The following RTTN variants were observed in gnomAD, a reference collection of about 807,000 sequenced individuals.
The protein encoded by RTTN is rotatin.
Under a neutral mutation model 269.2 loss-of-function variants are expected in RTTN, and 182 were observed. That is an observed-to-expected ratio of 0.68 (90% CI 0.60 to 0.76). The LOEUF is 0.76. RTTN is among the 30% of genes least tolerant of loss of function. RTTN has a pLI of 0.00. For synonymous variants in RTTN, 1,006 were observed against 963.5 expected, an observed-to-expected ratio of 1.04 and a Z score of -0.82; for missense variants, 2,545 against 2,608.6, an observed-to-expected ratio of 0.98 and a Z score of 0.53.
intron 10 of RTTN, among the ~76,000 whole-genome samples, chr18:70,187,006 A>G (rs1315997284): frequency 6.6e-6 from 1 of 152,208 alleles, no homozygotes. Flanking sequence ...GTACCGCTGA[A>G]GCTAAATAAA....
intron 14 of RTTN, among the ~76,000 whole-genome samples, chr18:70,154,474 A>G (rs2060621988): frequency 6.6e-6 from 1 of 152,148 alleles, no homozygotes; most frequent in Non-Finnish European, 1.5e-5. Context: ...TATAATAACT[A>G]TCCCAAATAC....
chr18:70,080,973 C>T (rs1318556719), intron 32 of RTTN, among the ~76,000 whole-genome samples: 1 of 145,844 alleles, frequency 6.9e-6, no homozygotes, highest in Non-Finnish European at 1.5e-5. Flanking sequence ...CACACACACA[C>T]TATGGAATAC....
intron 28 of RTTN, among the ~76,000 whole-genome samples, chr18:70,093,287 C>T (rs2058902871): frequency 6.6e-6 from 1 of 150,516 alleles, no homozygotes; most frequent in African/African-American, 2.4e-5. Context: ...TGTGTGGTGC[C>T]CTCCTAGTAC....
intron 46 of RTTN, chr18:70,008,932 G>A (rs1317958857): frequency 6.6e-6 from 1 of 152,060 alleles, no homozygotes; most frequent in African/African-American, 2.4e-5. Context: ...GATACTCCTC[G>A]AGAAGAGCAA....
At chr18:70,093,656 T>A (rs1289613900) in intron 28 of RTTN, among the ~76,000 whole-genome samples, 1 of 152,216 alleles carries the variant, frequency 6.6e-6, no homozygotes, top group Admixed American at 6.5e-5. Context: ...TGAAGCCAAC[T>A]TGATCATGGT....
rs17082031 is a variant in RTTN, at chr18:70,058,062, C to T, written c.4941-230G>A. On this transcript the variant is annotated intron_variant, in intron 36 of 48. Transcript: ENST00000640769. ...TCAGAGAAAAGTGAGAAGCAAAGAG[C>T]TGTGAAGAAAATATCTAAGGAAACC... Among the ~76,000 whole-genome samples, 20,406 of 152,060 alleles carry T rather than the reference C, an allele frequency of 0.13. 3,572 individuals carry two copies. Among genetic ancestry groups the T allele is most frequent in the African/African-American group, 0.41 (16,882 of 41,420 alleles).
At chr18:70,012,083 GGGCAGCATCTGCTCACTGGTATTGGTTAC>G (rs2056395443) in intron 46 of RTTN, among the ~76,000 whole-genome samples, 1 of 98,878 alleles carries the variant, frequency 1.0e-5, no homozygotes, top group African/African-American at 3.1e-5. Context: ...ATTGGTTACA[GGGCAGCATCTGCTCACTGGTATTGGTTAC>G]AGGGCAGCGT....
At chr18:70,190,500 C>G (rs1351095255) in intron 9 of RTTN, 38 bp downstream of exon 9, 2 of 1,495,690 alleles carry the variant, frequency 1.3e-6, no homozygotes, top group Non-Finnish European at 1.8e-6. Context: ...AAAACAGACA[C>G]AAATTATATC....
intron 14 of RTTN, among the ~76,000 whole-genome samples, chr18:70,159,431 G>C (rs933291402): frequency 4.6e-5 from 7 of 152,112 alleles, no homozygotes; most frequent in Non-Finnish European, 8.8e-5. Flanking sequence ...TTAGAACACA[G>C]CTAAGGCAGT....
chr18:70,109,850 T>C (rs917502919), intron 27 of RTTN, 133 bp from the exon 28 acceptor site: 2 of 658,566 alleles, frequency 3.0e-6, no homozygotes, highest in Middle Eastern at 4.2e-4. Context: ...TGGCAGAAAA[T>C]AGTCTCTATC....
At chr18:70,138,683 G>C (rs1192557008) in intron 21 of RTTN, 1 of 152,126 alleles carries the variant, frequency 6.6e-6, no homozygotes, top group East Asian at 1.9e-4. Flanking sequence ...TAAACACACT[G>C]AATCTGTTTA....
Position 70,059,890 on chromosome 18 carries a change from T to C in RTTN, c.4900A>G (p.Lys1634Glu). The change falls in exon 36 of 49, where the codon AAG becomes GAG. Residue 1634 changes from lysine (K) to glutamate (E), a missense_variant. By Grantham distance (56) the Lys-to-Glu change is moderately conservative. Transcript: ENST00000640769. ...LLTIAPRDTA[K>E]AFRQAHLIEL... ...ATGAGATGAGCTTGTCGAAAAGCCT[T>C]TGCAGTGTCTCTGGGAGCAATCGTC... 1 of 1,612,720 alleles carries C rather than the reference T, an allele frequency of 6.2e-7. No homozygotes were observed. Among genetic ancestry groups the C allele is most frequent in the Non-Finnish European group, 8.5e-7 (1 of 1,179,206 alleles).
chr18:70,125,510 A>T (rs780045557), intron 25 of RTTN, among the ~76,000 whole-genome samples: 1 of 152,030 alleles, frequency 6.6e-6, no homozygotes, highest in Non-Finnish European at 1.5e-5. Context: ...GCCTCAAAGT[A>T]TATTTACTGA....
intron 10 of RTTN, among the ~76,000 whole-genome samples, chr18:70,179,012 GT>G (rs1212346088): frequency 6.6e-6 from 1 of 151,980 alleles, no homozygotes; most frequent in Non-Finnish European, 1.5e-5. Flanking sequence ...TTCTCCTTAA[GT>G]TTCCAAGAAA....
intron 18 of RTTN, among the ~76,000 whole-genome samples, chr18:70,143,415 C>G (rs533256636): frequency 1.3e-5 from 2 of 152,160 alleles, no homozygotes; most frequent in Admixed American, 1.3e-4. Context: ...CCATGCAGCC[C>G]TAAAAAAGGA....
At position 70,112,483 on chromosome 18, in the gene RTTN, C is replaced by CAAAAAAAAAA. The variant is rs36147576; in HGVS notation, c.3683+1952_3683+1961dup. On this transcript the variant is annotated intron_variant, in intron 27 of 48. Coordinates refer to ENST00000640769, the MANE Select transcript of RTTN (RefSeq NM_173630.4). Reference sequence around the variant, plus strand: ...GATGATTTATCAAGCAAATGGAAAGCAAAAAAAAAAAAAAAAAAGCAAGAG... The same window carrying CAAAAAAAAAA: ...GATGATTTATCAAGCAAATGGAAAGCAAAAAAAAAAAAAAAAAAAAAAAAAAAAGCAAGAG... Among the ~76,000 whole-genome samples the CAAAAAAAAAA allele has an allele frequency of 1.6e-3, 106 of 67,982 alleles. 1 individual carries two copies. Among genetic ancestry groups the CAAAAAAAAAA allele is most frequent in the East Asian group, 5.1e-3 (8 of 1,572 alleles). The allele number at this position is 67,982 out of a possible 152,430, so 44.6% of individuals were successfully genotyped here. A position where few individuals can be genotyped will look rare whatever the true frequency, so the allele number is the denominator to read the frequency against.
At chr18:70,135,152 G>A in intron 22 of RTTN, 32 bp downstream of exon 22, 2 of 1,200,698 alleles carry the variant, frequency 1.7e-6, no homozygotes, top group Non-Finnish European at 2.4e-6. Flanking sequence ...AAATAGTTAA[G>A]AGTAAAAAAC....
chr18:70,092,608 A>C (rs917570022), intron 29 of RTTN, 68 bp downstream of exon 29: 1 of 1,537,662 alleles, frequency 6.5e-7, no homozygotes, highest in Admixed American at 2.0e-5. Context: ...TATGCTTGAA[A>C]TGTGTTGGAC....
At chr18:70,195,140 C>CCT (rs1409605657) in intron 7 of RTTN, among the ~76,000 whole-genome samples, 6 of 152,180 alleles carry the variant, frequency 3.9e-5, no homozygotes, top group Admixed American at 3.3e-4. Context: ...ACCTCATTCT[C>CCT]CTCTTCTGCC....
Sources: gnomAD v4.1 joint callset for allele counts (sites outside exome capture counted in the v4.1 genomes callset) on GRCh38, gnomAD v4.1.1 for gene constraint, MANE v1.5 for transcripts, NCBI Gene and HGNC (gene_info 2026-07-23, HGNC 2026-07-21) for gene names.